RPL35A: variants seen among roughly 807,000 people sequenced by gnomAD.
RPL35A encodes the protein ribosomal protein L35a.
Under a neutral mutation model 16.7 loss-of-function variants are expected in RPL35A, and 1 was observed. The observed-to-expected ratio is 0.06, with a 90% confidence interval of 0.02 to 0.28. The LOEUF is 0.28. Ranked by LOEUF, RPL35A falls within the 10% of genes least tolerant of loss-of-function variation. The pLI is 1.00. For missense variants in RPL35A, 91 were observed against 138.7 expected, an observed-to-expected ratio of 0.66 and a Z score of 1.73; for synonymous variants, 58 against 47.0, an observed-to-expected ratio of 1.23 and a Z score of -0.96.
chr3:197,951,385 G>A, intron 3 of RPL35A, 74 bp downstream of exon 3: 4 of 1,511,158 alleles, frequency 2.6e-6, no homozygotes, highest in Non-Finnish European at 3.7e-6. Flanking sequence ...ACGGAGTCTT[G>A]CTCTGTTGCC....
At chr3:197,953,514 GTCTT>G (rs2109812384) in intron 3 of RPL35A, 1 of 456,546 alleles carries the variant, frequency 2.2e-6, no homozygotes, top group Non-Finnish European at 4.4e-6. Context: ...GGTGTCTTCA[GTCTT>G]TCTTCCGGCC....
In RPL35A at chr3:197,950,421, G is replaced by A. The variant is rs771648038; in HGVS notation, c.-33+200G>A. 1.0e-4 allele frequency: 94 copies of A among 911,358 alleles called. 1 individual carries two copies. The highest frequency in any genetic ancestry group is 1.7e-4 in the Admixed American group (4 of 22,858). The allele number at this position is 911,358 out of a possible 1,614,324, so 56.5% of individuals were successfully genotyped here. A position where few individuals can be genotyped will look rare whatever the true frequency, so the allele number is the denominator to read the frequency against. On this transcript the variant is annotated intron_variant, in intron 1 of 4. Coordinates refer to ENST00000647248, the MANE Select transcript of RPL35A (RefSeq NM_000996.4). ...CCTGACACCCGGAGAACGGCTGCCC[G>A]GGTTATCCCAGTTAAATTCCTGGGC...
intron 3 of RPL35A, 167 bp downstream of exon 3, chr3:197,951,478 G>C: frequency 1.4e-6 from 1 of 701,650 alleles, no homozygotes; most frequent in Non-Finnish European, 2.4e-6. Flanking sequence ...TCAGCCTCCC[G>C]AGTAGCTGGG....
intron 3 of RPL35A, among the ~76,000 whole-genome samples, chr3:197,953,321 A>T (rs1256153665): frequency 1.3e-5 from 2 of 152,192 alleles, no homozygotes; most frequent in Non-Finnish European, 2.9e-5. Context: ...GGCTGCAGTG[A>T]GCTATGATTG....
At chr3:197,951,474 TCC>T in intron 3 of RPL35A, 163 bp downstream of exon 3, 2 of 728,566 alleles carry the variant, frequency 2.7e-6, no homozygotes, top group Non-Finnish European at 4.7e-6. Flanking sequence ...TGTCTCAGCC[TCC>T]CGAGTAGCTG....
At chr3:197,955,273 CTT>C (rs34024853) in intron 4 of RPL35A, among the ~76,000 whole-genome samples, 14 of 143,782 alleles carry the variant, frequency 9.7e-5, no homozygotes, top group East Asian at 2.0e-4. Flanking sequence ...TTTTCTTTTT[CTT>C]TTTTTTTTTT....
chr3:197,953,963 T>C (rs1321745759), intron 3 of RPL35A, 40 bp from the exon 4 acceptor site: 4 of 1,609,958 alleles, frequency 2.5e-6, no homozygotes, highest in Non-Finnish European at 3.4e-6. Flanking sequence ...TATCCAACTA[T>C]ATCAGCTTGT....
intron 2 of RPL35A, 32 bp downstream of exon 2, chr3:197,951,010 G>C: frequency 6.2e-7 from 1 of 1,610,582 alleles, no homozygotes. Flanking sequence ...CTTTATTTTT[G>C]TGTGTTAGAC....
intron 4 of RPL35A, among the ~76,000 whole-genome samples, chr3:197,955,483 C>CT (rs1269655428): frequency 2.6e-5 from 4 of 152,020 alleles, no homozygotes; most frequent in African/African-American, 9.7e-5. Context: ...AGGATGGTCT[C>CT]TATCTCTTGA....
At chr3:197,951,450 T>TCAAG in intron 3 of RPL35A, 139 bp downstream of exon 3, 1 of 897,528 alleles carries the variant, frequency 1.1e-6, no homozygotes, top group Non-Finnish European at 1.8e-6. Context: ...CCTCCCGGGT[T>TCAAG]CAAGCAAGTG....
intron 1 of RPL35A, 98 bp from the exon 2 acceptor site, chr3:197,950,838 C>T (rs949205062): frequency 2.8e-6 from 3 of 1,064,126 alleles, no homozygotes; most frequent in South Asian, 1.3e-5. Context: ...ATGAAACTCC[C>T]ATCCAAAAGG....
intron 4 of RPL35A, among the ~76,000 whole-genome samples, chr3:197,955,078 C>T (rs562955068): frequency 6.6e-6 from 1 of 152,110 alleles, no homozygotes; most frequent in Non-Finnish European, 1.5e-5. Context: ...CGTACTTTTT[C>T]TTTAGGGTCC....
intron 4 of RPL35A, chr3:197,954,520 G>GT (rs568224845): frequency 6.0e-4 from 200 of 331,446 alleles, no homozygotes; most frequent in Non-Finnish European, 9.9e-4. Flanking sequence ...TTTTTGTTGT[G>GT]TTTTTTTGAG....
Position 197,950,215 on chromosome 3 carries a change from T to A in RPL35A, c.-39T>A. 4.9e-6 allele frequency: 6 copies of A among 1,231,426 alleles called. No homozygotes were observed. Among genetic ancestry groups the A allele is most frequent in the Non-Finnish European group, 6.1e-6 (6 of 987,868 alleles). 76.3% of individuals were successfully genotyped at this position (1,231,426 alleles called of 1,614,324 possible). A position where few individuals can be genotyped will look rare whatever the true frequency, so the allele number is the denominator to read the frequency against. ...CTTCTCTTACCGCCATCTTGGCTCC[T>A]GTGGAGGTGAGTGAAGGGTCTGCTG... On this transcript the variant is annotated 5_prime_UTR_variant, in exon 1 of 5. Transcript: ENST00000647248.
At position 197,950,221 on chromosome 3, in the gene RPL35A, G is replaced by C. The variant is rs564722971; in HGVS notation, c.-33G>C. The C allele has an allele frequency of 2.4e-6, 3 of 1,231,354 alleles. No homozygotes were observed. The African/African-American group carries it at 4.6e-5, about 19-fold the overall frequency. The allele number at this position is 1,231,354 out of a possible 1,614,324, so 76.3% of individuals were successfully genotyped here. A position where few individuals can be genotyped will look rare whatever the true frequency, so the allele number is the denominator to read the frequency against. ...TTACCGCCATCTTGGCTCCTGTGGA[G>C]GTGAGTGAAGGGTCTGCTGCTGAAA... On this transcript the variant is annotated splice_region_variant and 5_prime_UTR_variant, in exon 1 of 5. Transcript: ENST00000647248.
At chr3:197,954,329 GTTTT>G in intron 4 of RPL35A, 182 bp downstream of exon 4, 1 of 675,914 alleles carries the variant, frequency 1.5e-6, no homozygotes, top group Non-Finnish European at 2.5e-6. Flanking sequence ...TTGGTTGTTT[GTTTT>G]TTGTTTTTTT....
At chr3:197,953,750 T>C (rs778636466) in intron 3 of RPL35A, 13 of 566,276 alleles carry the variant, frequency 2.3e-5, no homozygotes, top group Non-Finnish European at 3.8e-5. Context: ...ATCTGACCTA[T>C]GTATTTTCCT....
At chr3:197,953,838 G>A in intron 3 of RPL35A, 165 bp from the exon 4 acceptor site, 1 of 702,572 alleles carries the variant, frequency 1.4e-6, no homozygotes, top group Non-Finnish European at 2.6e-6. Flanking sequence ...GCATACAATA[G>A]TTACTCGATA....
rs956499972 is a variant in RPL35A at position 197,955,983 on chromosome 3, A to G, written c.*210A>G. ...GAAGGGAACGGGTTTTAATGCGAGT[A>G]TCTTTGACAGAGTCTTGCTCTGTTG... On this transcript the variant is annotated 3_prime_UTR_variant, in exon 5 of 5. Coordinates refer to ENST00000647248, the MANE Select transcript of RPL35A (RefSeq NM_000996.4). 5 of 562,092 alleles carry G rather than the reference A, an allele frequency of 8.9e-6. No individual in the cohort carries two copies. Among genetic ancestry groups the G allele is most frequent in the African/African-American group, 7.6e-5 (4 of 52,954 alleles). The allele number at this position is 562,092 out of a possible 1,614,324, so 34.8% of individuals were successfully genotyped here.
Sources: gnomAD v4.1 joint callset for allele counts (sites outside exome capture counted in the v4.1 genomes callset) on GRCh38, gnomAD v4.1.1 for gene constraint, MANE v1.5 for transcripts, NCBI Gene and HGNC (gene_info 2026-07-23, HGNC 2026-07-21) for gene names.